CDH9: variants seen among roughly 807,000 people sequenced by gnomAD.
CDH9 encodes the protein cadherin 9.
In CDH9, 28 loss-of-function variants were observed where a neutral mutation model predicts 70.9. The observed-to-expected ratio is 0.40, with a 90% CI of 0.29 to 0.54. The LOEUF is 0.54. Ranked by LOEUF, CDH9 falls within the 20% of genes least tolerant of loss-of-function variation. CDH9 has a pLI of 0.59. For missense variants in CDH9, 874 were observed against 984.4 expected, an observed-to-expected ratio of 0.89 and a Z score of 1.50; for synonymous variants, 409 against 343.1, an observed-to-expected ratio of 1.19 and a Z score of -2.12.
intron 2 of CDH9, among the ~76,000 whole-genome samples, chr5:26,918,019 T>G (rs888519039): frequency 1.3e-5 from 2 of 152,204 alleles, no homozygotes; most frequent in Non-Finnish European, 2.9e-5. Context: ...AAAACTTTAC[T>G]TTTATTATTA....
chr5:26,958,808 G>A (rs1244113531), intron 2 of CDH9, among the ~76,000 whole-genome samples: 2 of 152,116 alleles, frequency 1.3e-5, no homozygotes, highest in Non-Finnish European at 2.9e-5. Context: ...ATATTAATAA[G>A]AATGACTGGA....
chr5:26,952,458 C>CAAAAAAAAAAAAA (rs766973787), intron 2 of CDH9, among the ~76,000 whole-genome samples: 8 of 9,966 alleles, frequency 8.0e-4, no homozygotes, highest in East Asian at 4.1e-3. Context: ...ACTAAAAATA[C>CAAAAAAAAAAAAA]AAAAAAAAAA....
intron 1 of CDH9, among the ~76,000 whole-genome samples, chr5:26,996,754 A>G (rs112110352): frequency 4.6e-5 from 7 of 151,424 alleles, no homozygotes; most frequent in African/African-American, 1.7e-4. Context: ...ATATATCTAT[A>G]TCTATATCTA....
chr5:27,010,233 C>T (rs1742933599), intron 1 of CDH9, among the ~76,000 whole-genome samples: 1 of 152,012 alleles, frequency 6.6e-6, no homozygotes, highest in South Asian at 2.1e-4. Context: ...ATCAATGTTT[C>T]CCTCCCCTCA....
At chr5:26,986,732 CA>C (rs1288472385) in intron 2 of CDH9, among the ~76,000 whole-genome samples, 1 of 151,888 alleles carries the variant, frequency 6.6e-6, no homozygotes, top group East Asian at 1.9e-4. Flanking sequence ...CATCCTTAGA[CA>C]AAAAACATTT....
intron 2 of CDH9, among the ~76,000 whole-genome samples, chr5:26,944,168 T>A (rs1014879676): frequency 6.6e-6 from 1 of 152,272 alleles, no homozygotes; most frequent in East Asian, 1.9e-4. Context: ...TGCTGCTCTT[T>A]ACTTCCTCCA....
intron 11 of CDH9, among the ~76,000 whole-genome samples, chr5:26,883,430 C>T (rs1289734601): frequency 2.6e-5 from 4 of 151,474 alleles, no homozygotes; most frequent in Non-Finnish European, 5.9e-5. Flanking sequence ...ATCTGGGGCA[C>T]GTGAACAGAA....
intron 1 of CDH9, among the ~76,000 whole-genome samples, chr5:27,006,559 C>A (rs1742868408): frequency 6.6e-6 from 1 of 152,094 alleles, no homozygotes; most frequent in South Asian, 2.1e-4. Flanking sequence ...TATCTGCTCC[C>A]AACCGGTGTT....
At chr5:26,932,106 A>G (rs1741473397) in intron 2 of CDH9, among the ~76,000 whole-genome samples, 1 of 142,358 alleles carries the variant, frequency 7.0e-6, no homozygotes, top group Admixed American at 7.6e-5. Context: ...AAGTGTTATT[A>G]CTTTTCAAAT....
At chr5:26,945,003 C>T (rs909389593) in intron 2 of CDH9, among the ~76,000 whole-genome samples, 2 of 152,102 alleles carry the variant, frequency 1.3e-5, no homozygotes, top group African/African-American at 4.8e-5. Context: ...TGTTGGATGT[C>T]CCCTTAAAAC....
chr5:26,965,574 T>TTGA lies in CDH9; in HGVS notation c.228+22531_228+22532insTCA, dbSNP rs150541530. Among the ~76,000 whole-genome samples, 513 of 146,734 alleles carry TTGA rather than the reference T, an allele frequency of 3.5e-3. 5 individuals are homozygous for TTGA. Among genetic ancestry groups the TTGA allele is most frequent in the African/African-American group, 0.012 (490 of 39,684 alleles). On this transcript the variant is annotated intron_variant, in intron 2 of 11. Coordinates refer to ENST00000231021, the MANE Select transcript of CDH9 (RefSeq NM_016279.4). ...GTGCATGACAGAGTGAGACTCTGTC[T>TTGA]TAATAATAATAATAATAATAATAAT...
intron 2 of CDH9, among the ~76,000 whole-genome samples, chr5:26,966,464 T>C (rs892729676): frequency 2.0e-5 from 3 of 152,210 alleles, no homozygotes; most frequent in African/African-American, 7.2e-5. Flanking sequence ...TCTCTTGTAA[T>C]TATATTTGCA....
At chr5:26,909,906 G>T (rs1163627379) in intron 3 of CDH9, among the ~76,000 whole-genome samples, 1 of 151,726 alleles carries the variant, frequency 6.6e-6, no homozygotes, top group Non-Finnish European at 1.5e-5. Flanking sequence ...GGAACCAAAA[G>T]CATTCCTCTG....
chr5:27,007,016 G>A (rs1007406869), intron 1 of CDH9, among the ~76,000 whole-genome samples: 2 of 152,010 alleles, frequency 1.3e-5, no homozygotes, highest in Non-Finnish European at 2.9e-5. Flanking sequence ...CTGAGAAAAT[G>A]AAAGAAAAAC....
intron 1 of CDH9, among the ~76,000 whole-genome samples, chr5:26,998,016 C>T (rs141000078): frequency 1.2e-3 from 181 of 151,906 alleles, no homozygotes; most frequent in Non-Finnish European, 2.2e-3. Flanking sequence ...TTTTTAAACA[C>T]TAGAAACTAT....
intron 2 of CDH9, among the ~76,000 whole-genome samples, chr5:26,972,785 A>G (rs959488294): frequency 1.3e-5 from 2 of 152,164 alleles, no homozygotes; most frequent in Admixed American, 6.5e-5. Context: ...GATTGTGGGT[A>G]GGAGGAAGAA....
chr5:26,925,833 C>A (rs1741326944), intron 2 of CDH9, among the ~76,000 whole-genome samples: 2 of 151,910 alleles, frequency 1.3e-5, no homozygotes, highest in East Asian at 3.9e-4. Context: ...CTGTTTTTGT[C>A]AGGTTTGTCA....
chr5:27,034,706 G>A (rs550688839), intron 1 of CDH9, among the ~76,000 whole-genome samples: 14 of 151,642 alleles, frequency 9.2e-5, no homozygotes, highest in Middle Eastern at 3.4e-3. Flanking sequence ...TCTTGGAAAT[G>A]TTAATATGAA....
rs1743123251 is a variant in CDH9 at position 27,020,699 on chromosome 5, A to T, written c.-50+17764T>A. ...CCATTATGAAAATAACTGAGAAAAA[A>T]TTTTAAGAACATTTAAGAATTCACA... On this transcript the variant is annotated intron_variant, in intron 1 of 11. Transcript: ENST00000231021. Among the ~76,000 whole-genome samples, 3 of 150,754 alleles carry T rather than the reference A, an allele frequency of 2.0e-5. No individual in the cohort carries two copies. In the East Asian group the frequency reaches 5.8e-4, roughly 29 times the overall value.
Sources: gnomAD v4.1 joint callset for allele counts (sites outside exome capture counted in the v4.1 genomes callset) on GRCh38, gnomAD v4.1.1 for gene constraint, MANE v1.5 for transcripts, NCBI Gene and HGNC (gene_info 2026-07-23, HGNC 2026-07-21) for gene names.